Variants in TBC1D5 observed in about 807,000 individuals in gnomAD.
TBC1D5 encodes the protein TBC1 domain family member 5, also known as TBC1 domain family, member 5.
In TBC1D5, 75 loss-of-function variants were observed where a neutral mutation model predicts 100.3. That is an observed-to-expected ratio of 0.75 (90% CI 0.62 to 0.91). The LOEUF is 0.91. Among genes scored for constraint, TBC1D5 ranks in the 40% least tolerant of loss-of-function variants. The probability of loss-of-function intolerance (pLI) is 0.00; values close to 1 mark genes in which losing one functional copy is unlikely to be tolerated. For synonymous variants in TBC1D5, 323 were observed against 325.6 expected, an observed-to-expected ratio of 0.99 and a Z score of 0.09; for missense variants, 910 against 942.4, an observed-to-expected ratio of 0.97 and a Z score of 0.45.
chr3:17,427,154 T>C (rs572246017), intron 4 of TBC1D5, among the ~76,000 whole-genome samples: 39 of 152,072 alleles, frequency 2.6e-4, no homozygotes, highest in African/African-American at 8.7e-4. Flanking sequence ...ATTTATAAGG[T>C]AGGATGGATA....
At chr3:17,274,206 G>A (rs2079737642) in intron 15 of TBC1D5, among the ~76,000 whole-genome samples, 1 of 152,096 alleles carries the variant, frequency 6.6e-6, no homozygotes, top group African/African-American at 2.4e-5. Flanking sequence ...ATCCTTTAGG[G>A]CATCAACTGT....
intron 14 of TBC1D5, among the ~76,000 whole-genome samples, chr3:17,306,110 CACTTCCAGG>C (rs60142689): frequency 0.41 from 61,500 of 151,672 alleles, 13,056 homozygotes; most frequent in Middle Eastern, 0.51. Flanking sequence ...AGCTGCTTTT[CACTTCCAGG>C]CCTTTGTTCA....
intron 18 of TBC1D5, among the ~76,000 whole-genome samples, chr3:17,188,524 T>A (rs1261842301): frequency 2.6e-5 from 4 of 152,228 alleles, no homozygotes; most frequent in Non-Finnish European, 5.9e-5. Flanking sequence ...AAGAACCTCG[T>A]CCATAGTCTG....
intron 2 of TBC1D5, among the ~76,000 whole-genome samples, chr3:17,576,899 T>C (rs1428648680): frequency 6.6e-6 from 1 of 152,058 alleles, no homozygotes; most frequent in Admixed American, 6.6e-5. Flanking sequence ...TAAGCTGTGA[T>C]ATATTTGTTA....
intron 16 of TBC1D5, among the ~76,000 whole-genome samples, chr3:17,245,080 C>A (rs957634593): frequency 6.7e-6 from 1 of 149,678 alleles, no homozygotes; most frequent in Admixed American, 6.6e-5. Flanking sequence ...GTAGTCCCAG[C>A]TACTTGAGGG....
intron 13 of TBC1D5, among the ~76,000 whole-genome samples, chr3:17,353,608 T>C (rs1001692485): frequency 4.6e-5 from 7 of 152,090 alleles, no homozygotes; most frequent in African/African-American, 1.4e-4. Flanking sequence ...CTTATTATCT[T>C]TTCCTTCTTT....
chr3:17,674,669 C>CT (rs1197959355), intron 1 of TBC1D5, among the ~76,000 whole-genome samples: 1 of 151,980 alleles, frequency 6.6e-6, no homozygotes, highest in Non-Finnish European at 1.5e-5. Context: ...CATAATTATA[C>CT]TTTTTTTTCT....
chr3:17,487,270 A>G (rs567100519), intron 3 of TBC1D5, among the ~76,000 whole-genome samples: 1 of 152,330 alleles, frequency 6.6e-6, no homozygotes, highest in African/African-American at 2.4e-5. Context: ...TCAGATTGAC[A>G]TTTGACAGGT....
At chr3:17,700,936 T>C (rs1403738198) in intron 1 of TBC1D5, among the ~76,000 whole-genome samples, 1 of 152,102 alleles carries the variant, frequency 6.6e-6, no homozygotes, top group Non-Finnish European at 1.5e-5. Flanking sequence ...CCCTCAAAGA[T>C]CTAGAACTCG....
chr3:17,567,013 A>G (rs1264897300), intron 2 of TBC1D5, among the ~76,000 whole-genome samples: 1 of 151,816 alleles, frequency 6.6e-6, no homozygotes, highest in African/African-American at 2.4e-5. Context: ...ATAATTTTGT[A>G]TACATACATA....
intron 3 of TBC1D5, among the ~76,000 whole-genome samples, chr3:17,468,337 C>A (rs1337981242): frequency 6.6e-6 from 1 of 152,082 alleles, no homozygotes; most frequent in Non-Finnish European, 1.5e-5. Context: ...TGTCCTTGCC[C>A]CAAAACTTAC....
chr3:17,719,929 A>T (rs1332386765), intron 1 of TBC1D5, among the ~76,000 whole-genome samples: 1 of 152,180 alleles, frequency 6.6e-6, no homozygotes, highest in Admixed American at 6.5e-5. Context: ...GTATAATCCT[A>T]ACACTCTTTA....
At chr3:17,320,189 G>A (rs2085224587) in intron 13 of TBC1D5, among the ~76,000 whole-genome samples, 1 of 152,158 alleles carries the variant, frequency 6.6e-6, no homozygotes, top group African/African-American at 2.4e-5. Context: ...TAGGATCTTT[G>A]ATTACAAAGA....
At chr3:17,499,547 T>C (rs1265416117) in intron 3 of TBC1D5, among the ~76,000 whole-genome samples, 1 of 148,528 alleles carries the variant, frequency 6.7e-6, no homozygotes, top group Admixed American at 6.6e-5. Context: ...ATACAAAAAT[T>C]TGCCGGGTGT....
exon 22 of TBC1D5, chr3:17,158,609 G>A (rs1178531285): frequency 6.6e-6 from 1 of 152,286 alleles, no homozygotes; most frequent in African/African-American, 2.4e-5. Context: ...TGGTGAGCTT[G>A]CTGGGGGCCA....
chr3:17,574,823 C>T (rs1241170184), intron 2 of TBC1D5, among the ~76,000 whole-genome samples: 1 of 152,002 alleles, frequency 6.6e-6, no homozygotes, highest in African/African-American at 2.4e-5. Flanking sequence ...CACTTCTGTT[C>T]CTATATATCA....
intron 1 of TBC1D5, among the ~76,000 whole-genome samples, chr3:17,723,134 G>A (rs2075837111): frequency 6.6e-6 from 1 of 152,016 alleles, no homozygotes; most frequent in African/African-American, 2.4e-5. Context: ...AGGGTGACTA[G>A]ACAATAATAA....
At chr3:17,202,708 T>G (rs2071617662) in intron 18 of TBC1D5, among the ~76,000 whole-genome samples, 1 of 152,230 alleles carries the variant, frequency 6.6e-6, no homozygotes, top group African/African-American at 2.4e-5. Context: ...TAAAAGGGCC[T>G]AAGATATCGC....
At chr3:17,164,591 A>C (rs949999281) in intron 21 of TBC1D5, among the ~76,000 whole-genome samples, 1 of 152,172 alleles carries the variant, frequency 6.6e-6, no homozygotes, top group African/African-American at 2.4e-5. Context: ...CTCTTGGCGC[A>C]TGTTCCTGGG....
Sources: gnomAD v4.1 joint callset for allele counts (sites outside exome capture counted in the v4.1 genomes callset) on GRCh38, gnomAD v4.1.1 for gene constraint, MANE v1.5 for transcripts, NCBI Gene and HGNC (gene_info 2026-07-23, HGNC 2026-07-21) for gene names.